Variants in RGPD2 observed in about 807,000 individuals in gnomAD.
RGPD2 encodes RANBP2 like and GRIP domain containing 2, also known as RANBP2-like and GRIP domain-containing protein 2.
RGPD2 carries 2 observed loss-of-function variants against 36.0 expected under a neutral mutation model. The ratio of observed to expected loss-of-function variants is 0.06; its 90% confidence interval spans 0.02 to 0.17. The LOEUF is 0.17. Ranked by LOEUF, RGPD2 falls within the 10% of genes least tolerant of loss-of-function variation. The probability of loss-of-function intolerance (pLI) is 1.00; values close to 1 mark genes in which losing one functional copy is unlikely to be tolerated. For missense variants in RGPD2, 40 were observed against 464.3 expected (o/e 0.09, Z 8.40); for synonymous variants, 19 against 163.8 (o/e 0.12, Z 6.75).
chr2:87,879,001 T>A, the RGPD2 span, among the ~76,000 whole-genome samples: 1 of 152,210 alleles, frequency 6.6e-6, no homozygotes, highest in Non-Finnish European at 1.5e-5. Flanking sequence ...TTAGGTTATT[T>A]TCATATCTTG....
chr2:87,961,211 A>G, the RGPD2 span, among the ~76,000 whole-genome samples: 1 of 152,260 alleles, frequency 6.6e-6, no homozygotes, highest in Non-Finnish European at 1.5e-5. Flanking sequence ...CCCTATAGCC[A>G]TGCCAAACAA....
the RGPD2 span, among the ~76,000 whole-genome samples, chr2:87,837,118 C>T: frequency 3.3e-5 from 5 of 151,570 alleles, no homozygotes; most frequent in African/African-American, 7.3e-5. Flanking sequence ...GATAACCACA[C>T]GGTAAAACTG....
the RGPD2 span, among the ~76,000 whole-genome samples, chr2:87,874,227 A>G: frequency 7.6e-6 from 1 of 132,220 alleles, no homozygotes; most frequent in South Asian, 2.3e-4. Context: ...TTAATTAGAT[A>G]CCACTTGTTA....
At chr2:87,957,246 C>G in the RGPD2 span, among the ~76,000 whole-genome samples, 3 of 100,282 alleles carry the variant, frequency 3.0e-5, no homozygotes, top group African/African-American at 7.2e-5. Flanking sequence ...TGGGGGGGGG[C>G]TCTCATTATG....
the RGPD2 span, among the ~76,000 whole-genome samples, chr2:87,984,354 C>T: frequency 7.9e-5 from 12 of 151,948 alleles, no homozygotes; most frequent in South Asian, 6.2e-4. Flanking sequence ...GTTAAAGAGT[C>T]GTGAAAAAGG....
chr2:87,915,314 ATG>A, the RGPD2 span, among the ~76,000 whole-genome samples: 29 of 123,764 alleles, frequency 2.3e-4, no homozygotes, highest in African/African-American at 9.3e-4. Context: ...TTGTATATAT[ATG>A]TATATTATAT....
chr2:87,822,120 G>GA (rs879309358), intron 1 of RGPD2, among the ~76,000 whole-genome samples: 2 of 152,204 alleles, frequency 1.3e-5, no homozygotes, highest in Non-Finnish European at 2.9e-5. Context: ...CAACAAGGGT[G>GA]AAGGCCGTGA....
the RGPD2 span, among the ~76,000 whole-genome samples, chr2:87,867,543 A>C: frequency 4.0e-5 from 6 of 150,770 alleles, no homozygotes; most frequent in Non-Finnish European, 8.9e-5. Context: ...AATAAAAAGT[A>C]AAAATTTAGA....
At chr2:87,872,333 AG>A in the RGPD2 span, among the ~76,000 whole-genome samples, 1 of 152,288 alleles carries the variant, frequency 6.6e-6, no homozygotes, top group East Asian at 1.9e-4. Flanking sequence ...CATATAACCA[AG>A]GGGAAAATCA....
chr2:87,961,458 T>C, the RGPD2 span, among the ~76,000 whole-genome samples: 1 of 151,912 alleles, frequency 6.6e-6, no homozygotes, highest in East Asian at 2.0e-4. Context: ...CCCAACACTT[T>C]GGGAGGCCGA....
chr2:87,831,203 A>G, the RGPD2 span, among the ~76,000 whole-genome samples: 1 of 152,152 alleles, frequency 6.6e-6, no homozygotes, highest in Admixed American at 6.5e-5. Flanking sequence ...AACAGCAAAC[A>G]GGACATGGCA....
the RGPD2 span, among the ~76,000 whole-genome samples, chr2:87,875,595 C>T: frequency 6.6e-6 from 1 of 152,064 alleles, no homozygotes; most frequent in Non-Finnish European, 1.5e-5. Flanking sequence ...TTGATGTGCT[C>T]CTGGATTTGG....
chr2:87,965,189 A>G, the RGPD2 span, among the ~76,000 whole-genome samples: 1 of 139,300 alleles, frequency 7.2e-6, no homozygotes, highest in African/African-American at 2.5e-5. Flanking sequence ...TCAGTGGTAA[A>G]ATCTGATGAG....
At chr2:87,838,156 TTAATTC>T in the RGPD2 span, among the ~76,000 whole-genome samples, 1 of 145,632 alleles carries the variant, frequency 6.9e-6, no homozygotes, top group Non-Finnish European at 1.5e-5. Context: ...AGAGCTGGTA[TTAATTC>T]TACTGAAACT....
At chr2:87,846,626 G>A in the RGPD2 span, among the ~76,000 whole-genome samples, 3 of 152,070 alleles carry the variant, frequency 2.0e-5, no homozygotes, top group South Asian at 6.2e-4. Flanking sequence ...ATGAGCATAC[G>A]TGCAAAAACT....
intron 1 of RGPD2, among the ~76,000 whole-genome samples, chr2:87,822,106 G>T (rs1459314915): frequency 2.0e-5 from 3 of 152,146 alleles, no homozygotes; most frequent in Non-Finnish European, 4.4e-5. Flanking sequence ...AATCTGTGGA[G>T]TCCCAACAAG....
chr2:87,957,609 C>A, the RGPD2 span, among the ~76,000 whole-genome samples: 32 of 152,162 alleles, frequency 2.1e-4, no homozygotes, highest in African/African-American at 7.7e-4. Flanking sequence ...AGATTCCACT[C>A]TCATGACCTA....
chr2:87,980,104 C>T, the RGPD2 span, among the ~76,000 whole-genome samples: 1 of 152,078 alleles, frequency 6.6e-6, no homozygotes, highest in Non-Finnish European at 1.5e-5. Flanking sequence ...AATCCCAGCA[C>T]TTTGGGACAC....
At chr2:87,877,520 A>G in the RGPD2 span, among the ~76,000 whole-genome samples, 1 of 152,054 alleles carries the variant, frequency 6.6e-6, no homozygotes, top group Non-Finnish European at 1.5e-5. Flanking sequence ...AAGAATATTG[A>G]CAGCCAGGCG....
Sources: gnomAD v4.1 joint callset for allele counts (sites outside exome capture counted in the v4.1 genomes callset) on GRCh38, gnomAD v4.1.1 for gene constraint, MANE v1.5 for transcripts, NCBI Gene and HGNC (gene_info 2026-07-23, HGNC 2026-07-21) for gene names.